Variants in PLCH1 observed in about 807,000 individuals in gnomAD.
The protein encoded by PLCH1 is phospholipase C eta 1, also known as 1-phosphatidylinositol 4,5-bisphosphate phosphodiesterase eta-1.
A neutral mutation model predicts 126.7 loss-of-function variants in PLCH1; 60 were observed. That is an observed-to-expected ratio of 0.47 (90% confidence interval 0.38 to 0.59). The LOEUF (loss-of-function observed/expected upper bound fraction) is 0.59, where lower values mean the gene tolerates loss of function less well. PLCH1 is among the 20% of genes least tolerant of loss of function. The pLI is 0.00. For missense variants in PLCH1, 1,723 were observed against 2,040.0 expected (o/e 0.84, Z 2.99); for synonymous variants, 719 against 734.9 (o/e 0.98, Z 0.35).
At chr3:155,516,204 A>T (rs1720286367) in intron 11 of PLCH1, among the ~76,000 whole-genome samples, 1 of 152,212 alleles carries the variant, frequency 6.6e-6, no homozygotes, top group African/African-American at 2.4e-5. Flanking sequence ...TAGAAAAGGC[A>T]TGTCCCCAAA....
downstream of PLCH1, among the ~76,000 whole-genome samples, chr3:155,476,492 A>T (rs1258547395): frequency 2.0e-5 from 3 of 152,274 alleles, no homozygotes; most frequent in East Asian, 5.8e-4. Context: ...ATTGAAAAGG[A>T]AGAAGTCAAA....
chr3:155,683,358 T>A lies in PLCH1; in HGVS notation c.79+20788A>T, dbSNP rs139532632. On this transcript the variant is annotated intron_variant, in intron 2 of 22. Transcript: ENST00000460012. ...TGTAGGCACATCACTGTCAGCTTGA[T>A]GAAGATGTCAATATAATTGAAAATA... 1.8e-4 allele frequency among the ~76,000 whole-genome samples: 27 copies of A among 152,334 alleles called. No homozygotes were observed. The East Asian group carries it at 5.0e-3, about 28-fold the overall frequency.
At chr3:155,679,284 T>A (rs1744324790) in intron 2 of PLCH1, among the ~76,000 whole-genome samples, 1 of 152,194 alleles carries the variant, frequency 6.6e-6, no homozygotes, top group Non-Finnish European at 1.5e-5. Context: ...TATTCCTGTA[T>A]TTTTTCTTGC....
chr3:155,592,033 AAG>A lies in PLCH1; in HGVS notation c.470+1906_470+1907del, dbSNP rs199705233. Among the ~76,000 whole-genome samples, 912 of 152,220 alleles carry A rather than the reference AAG, an allele frequency of 6.0e-3. 12 individuals carry two copies. The highest frequency in any genetic ancestry group is 0.021 in the African/African-American group (857 of 41,524). Reference sequence around the variant, plus strand: ...GTCTTCAGTTTTTAAGAGTGAAAAAAAGAGAGAGATCAAAGTTTAATTATGTC... The same window carrying A: ...GTCTTCAGTTTTTAAGAGTGAAAAAAAGAGAGATCAAAGTTTAATTATGTC... On this transcript the variant is annotated intron_variant, in intron 4 of 22. Coordinates refer to ENST00000460012, the MANE Select transcript of PLCH1 (RefSeq NM_014996.4).
chr3:155,659,387 G>A (rs1204375348), intron 2 of PLCH1, among the ~76,000 whole-genome samples: 1 of 129,264 alleles, frequency 7.7e-6, no homozygotes, highest in Non-Finnish European at 1.5e-5. Context: ...GAGCACAGTG[G>A]CATGATCACG....
At chr3:155,696,350 G>A (rs1213438774) in intron 2 of PLCH1, among the ~76,000 whole-genome samples, 3 of 152,102 alleles carry the variant, frequency 2.0e-5, no homozygotes, top group Admixed American at 2.0e-4. Context: ...GGAGATTGGA[G>A]GGTTTCATGA....
At chr3:155,673,080 T>C in intron 2 of PLCH1, among the ~76,000 whole-genome samples, 1 of 118,252 alleles carries the variant, frequency 8.5e-6, no homozygotes, top group South Asian at 3.1e-4. Flanking sequence ...TTTTTGGTAA[T>C]AATGTCTAAA....
rs1739397014 is a variant in PLCH1, at chr3:155,641,503, G to C, written c.80-45125C>G. Among the ~76,000 whole-genome samples, 4 of 152,046 alleles carry C rather than the reference G, an allele frequency of 2.6e-5. No homozygotes were observed. In the South Asian group the frequency reaches 8.3e-4, roughly 31 times the overall value. The stretch of plus-strand genomic sequence containing the variant: ...GAGGAATTTTATCAACACCAGACCT[G>C]TCATATAAGAAATATTAAAGGGAGT... On this transcript the variant is annotated intron_variant, in intron 2 of 22. Transcript: ENST00000460012.
chr3:155,713,648 A>C (rs534370741), intron 1 of PLCH1, among the ~76,000 whole-genome samples: 2 of 152,308 alleles, frequency 1.3e-5, no homozygotes, highest in African/African-American at 4.8e-5. Context: ...TAAGGTATCA[A>C]GGGACAATGG....
At chr3:155,605,342 T>A (rs565958914) in intron 2 of PLCH1, among the ~76,000 whole-genome samples, 1 of 152,310 alleles carries the variant, frequency 6.6e-6, no homozygotes, top group African/African-American at 2.4e-5. Flanking sequence ...TGGAAATGCC[T>A]ACTCTACCCC....
intron 10 of PLCH1, 74 bp from the exon 11 acceptor site, chr3:155,524,078 G>T: frequency 1.1e-6 from 1 of 872,870 alleles, no homozygotes; most frequent in South Asian, 1.4e-5. Flanking sequence ...AGTAACCCAA[G>T]CATCCATTGA....
chr3:155,461,342 T>C (rs1336601557), intron 21 of PLCH1, among the ~76,000 whole-genome samples: 2 of 152,130 alleles, frequency 1.3e-5, no homozygotes, highest in Non-Finnish European at 2.9e-5. Flanking sequence ...TGCAGGGACA[T>C]ATCCTGTGAG....
intron 18 of PLCH1, among the ~76,000 whole-genome samples, chr3:155,491,957 A>G (rs1716279536): frequency 6.6e-6 from 1 of 152,236 alleles, no homozygotes. Flanking sequence ...GGCGACGAAC[A>G]ATGAAGGAAT....
At chr3:155,549,754 A>G in intron 10 of PLCH1, 33 bp downstream of exon 10, 1 of 1,504,682 alleles carries the variant, frequency 6.6e-7, no homozygotes. Context: ...GCTGATAATG[A>G]ATGTCTTTTA....
intron 2 of PLCH1, among the ~76,000 whole-genome samples, chr3:155,639,186 G>A (rs983913115): frequency 2.0e-5 from 3 of 152,132 alleles, no homozygotes; most frequent in Admixed American, 6.6e-5. Context: ...GGGGCCAGGG[G>A]TGGTGCTCAC....
At chr3:155,583,417 C>A in intron 6 of PLCH1, 55 bp downstream of exon 6, 1 of 1,354,628 alleles carries the variant, frequency 7.4e-7, no homozygotes, top group Non-Finnish European at 1.0e-6. Context: ...AAAAGAAAGA[C>A]ATATCTTTCA....
chr3:155,725,728 T>C (rs1246070782), intron 1 of PLCH1, among the ~76,000 whole-genome samples: 3 of 152,120 alleles, frequency 2.0e-5, no homozygotes, highest in Non-Finnish European at 4.4e-5. Flanking sequence ...GCATGAGACA[T>C]CACTCCCAGC....
At chr3:155,634,226 G>GT (rs1422953300) in intron 2 of PLCH1, among the ~76,000 whole-genome samples, 1 of 152,206 alleles carries the variant, frequency 6.6e-6, no homozygotes, top group Admixed American at 6.5e-5. Flanking sequence ...AAAGAGGGCT[G>GT]TAAGAGCCTG....
intron 7 of PLCH1, 122 bp downstream of exon 7, chr3:155,568,109 G>C: frequency 1.8e-6 from 1 of 567,860 alleles, no homozygotes; most frequent in Non-Finnish European, 3.2e-6. Flanking sequence ...GATTTTGTTT[G>C]AATTATTTAT....
Sources: gnomAD v4.1 joint callset for allele counts (sites outside exome capture counted in the v4.1 genomes callset) on GRCh38, gnomAD v4.1.1 for gene constraint, MANE v1.5 for transcripts, NCBI Gene and HGNC (gene_info 2026-07-23, HGNC 2026-07-21) for gene names.